Variants in LRRC3B observed in about 807,000 individuals in gnomAD.
LRRC3B encodes the protein leucine-rich repeat-containing protein 3B.
In LRRC3B, 2 loss-of-function variants were observed where a neutral mutation model predicts 12.8. That is an observed-to-expected ratio of 0.16 (90% CI 0.06 to 0.49). The LOEUF (loss-of-function observed/expected upper bound fraction) is 0.49. Ranked by LOEUF, LRRC3B falls within the 20% of genes least tolerant of loss-of-function variation. The pLI is 0.96. For synonymous variants in LRRC3B, 132 were observed against 122.0 expected (o/e 1.08, Z -0.54); for missense variants, 189 against 319.4 (o/e 0.59, Z 3.11).
At chr3:26,707,926 C>T (rs1700643008) in intron 1 of LRRC3B, among the ~76,000 whole-genome samples, 2 of 152,262 alleles carry the variant, frequency 1.3e-5, no homozygotes, top group Non-Finnish European at 2.9e-5. Context: ...CTCTCTTTAG[C>T]ATTCTCTGGT....
chr3:26,671,350 G>GTGTATA (rs1338809866), intron 1 of LRRC3B, among the ~76,000 whole-genome samples: 2 of 56,756 alleles, frequency 3.5e-5, no homozygotes, highest in Admixed American at 2.7e-4. Context: ...ATATATGTGT[G>GTGTATA]TATATATATA....
chr3:26,693,240 A>G (rs1700230349), intron 1 of LRRC3B, among the ~76,000 whole-genome samples: 1 of 147,682 alleles, frequency 6.8e-6, no homozygotes, highest in African/African-American at 2.6e-5. Flanking sequence ...GAGGCAGGAG[A>G]ATGGCGTGAA....
At chr3:26,649,462 G>A (rs1699220150) in intron 1 of LRRC3B, among the ~76,000 whole-genome samples, 1 of 122,320 alleles carries the variant, frequency 8.2e-6, no homozygotes, top group East Asian at 2.5e-4. Flanking sequence ...GATCCCAACT[G>A]TGTGACTCTT....
At chr3:26,710,745 C>A (rs1369061746) in exon 2 of LRRC3B, 1 of 228,544 alleles carries the variant, frequency 4.4e-6, no homozygotes, top group Non-Finnish European at 9.2e-6. Context: ...AATTTAAAAG[C>A]AAATAAAAGC....
intron 1 of LRRC3B, among the ~76,000 whole-genome samples, chr3:26,638,990 G>C (rs1698962446): frequency 6.6e-6 from 1 of 152,110 alleles, no homozygotes; most frequent in Admixed American, 6.5e-5. Flanking sequence ...ATTCAGAAAG[G>C]ATTGCATTTC....
chr3:26,633,136 T>A (rs1698794671), intron 1 of LRRC3B, among the ~76,000 whole-genome samples: 2 of 152,148 alleles, frequency 1.3e-5, no homozygotes, highest in Admixed American at 1.3e-4. Context: ...GCTGACAGTT[T>A]ATCTGTCCTC....
At chr3:26,708,996 TTTC>T (rs944668516) in intron 1 of LRRC3B, among the ~76,000 whole-genome samples, 3 of 152,218 alleles carry the variant, frequency 2.0e-5, no homozygotes, top group Non-Finnish European at 4.4e-5. Flanking sequence ...CATTTATTAT[TTTC>T]TTAATTCAAG....
chr3:26,628,965 G>T (rs1249594273), intron 1 of LRRC3B, among the ~76,000 whole-genome samples: 1 of 151,880 alleles, frequency 6.6e-6, no homozygotes, highest in Non-Finnish European at 1.5e-5. Flanking sequence ...AGCTCTCTAA[G>T]CTACCTTTTA....
chr3:26,628,502 C>A (rs1386327576), intron 1 of LRRC3B, among the ~76,000 whole-genome samples: 2 of 148,774 alleles, frequency 1.3e-5, no homozygotes, highest in Non-Finnish European at 3.0e-5. Flanking sequence ...TATAAAATAT[C>A]TTAATCTATA....
chr3:26,629,388 T>C (rs1245429293), intron 1 of LRRC3B, among the ~76,000 whole-genome samples: 4 of 152,236 alleles, frequency 2.6e-5, no homozygotes. Context: ...GAAGGCACAG[T>C]GCATAGTTCT....
At chr3:26,697,474 T>A (rs1489608510) in intron 1 of LRRC3B, among the ~76,000 whole-genome samples, 3 of 152,192 alleles carry the variant, frequency 2.0e-5, no homozygotes, top group Non-Finnish European at 2.9e-5. Context: ...TAATCCAAGA[T>A]AATCTTTCCA....
chr3:26,658,616 A>G (rs1699426943), intron 1 of LRRC3B, among the ~76,000 whole-genome samples: 1 of 152,256 alleles, frequency 6.6e-6, no homozygotes, highest in African/African-American at 2.4e-5. Flanking sequence ...TCTTTATACA[A>G]AACACTTTCA....
chr3:26,710,495 C>T (rs374112766), exon 2 of LRRC3B: 588 of 1,496,914 alleles, frequency 3.9e-4, no homozygotes, highest in Non-Finnish European at 5.1e-4. Context: ...AAGTAGTTTG[C>T]GATTGCAGTA....
intron 1 of LRRC3B, among the ~76,000 whole-genome samples, chr3:26,665,068 G>C (rs547084358): frequency 6.6e-6 from 1 of 151,862 alleles, no homozygotes; most frequent in Non-Finnish European, 1.5e-5. Context: ...CTACCATAAA[G>C]GTACGGTCAG....
chr3:26,673,332 C>A (rs940363199), intron 1 of LRRC3B, among the ~76,000 whole-genome samples: 3 of 152,012 alleles, frequency 2.0e-5, no homozygotes, highest in Non-Finnish European at 4.4e-5. Flanking sequence ...CCTTTAGATA[C>A]ACTTTGTGTG....
intron 1 of LRRC3B, among the ~76,000 whole-genome samples, chr3:26,651,242 C>T (rs909338014): frequency 6.6e-6 from 1 of 152,186 alleles, no homozygotes; most frequent in Non-Finnish European, 1.5e-5. Flanking sequence ...TAGTGAAGAA[C>T]AATTTTCTGG....
chr3:26,662,532 C>G (rs372002269), intron 1 of LRRC3B, among the ~76,000 whole-genome samples: 1 of 152,198 alleles, frequency 6.6e-6, no homozygotes, highest in South Asian at 2.1e-4. Flanking sequence ...ATTGTCCATT[C>G]TGATTGGTTG....
rs1179416945 is a variant in LRRC3B at position 26,636,877 on chromosome 3, CCTTCCTTCCTT to C, written c.-161+13641_-161+13651del. On this transcript the variant is annotated intron_variant, in intron 1 of 1. Transcript: ENST00000396641. ...CCCTCCCTCCCTCCCTTCCTTCCTT[CCTTCCTTCCTT>C]TCTCTCTCTCTCTCTTTCTCTCTTT... Among the ~76,000 whole-genome samples, 10 of 104,616 alleles carry C rather than the reference CCTTCCTTCCTT, an allele frequency of 9.6e-5. 1 individual carries two copies. The highest frequency in any genetic ancestry group is 4.7e-4 in the African/African-American group (10 of 21,318). The allele number at this position is 104,616 out of a possible 152,430, so 68.6% of individuals were successfully genotyped here.
intron 1 of LRRC3B, among the ~76,000 whole-genome samples, chr3:26,676,133 G>A (rs1018023760): frequency 6.6e-6 from 1 of 151,496 alleles, no homozygotes; most frequent in Non-Finnish European, 1.5e-5. Flanking sequence ...TGCACAACGT[G>A]CAGGTTTGTT....
Sources: gnomAD v4.1 joint callset for allele counts (sites outside exome capture counted in the v4.1 genomes callset) on GRCh38, gnomAD v4.1.1 for gene constraint, MANE v1.5 for transcripts, NCBI Gene and HGNC (gene_info 2026-07-23, HGNC 2026-07-21) for gene names.